NKAIN3: variants seen among roughly 807,000 people sequenced by gnomAD.
NKAIN3 encodes the protein sodium/potassium transporting ATPase interacting 3, also known as sodium/potassium-transporting ATPase subunit beta-1-interacting protein 3.
In NKAIN3, 25 loss-of-function variants were observed where a neutral mutation model predicts 30.2. The ratio of observed to expected loss-of-function variants is 0.83; its 90% CI spans 0.60 to 1.16. The LOEUF (loss-of-function observed/expected upper bound fraction) is 1.16. NKAIN3 is among the 50% of genes most tolerant of loss of function. The pLI, the probability that NKAIN3 is intolerant of heterozygous loss-of-function variation, is 0.00. For missense variants in NKAIN3, 225 were observed against 254.1 expected, an observed-to-expected ratio of 0.89 and a Z score of 0.78; for synonymous variants, 91 against 89.6, an observed-to-expected ratio of 1.02 and a Z score of -0.09.
At chr8:62,985,925 CT>C (rs906773167), downstream of NKAIN3, among the ~76,000 whole-genome samples, 16 of 152,222 alleles carry the variant, frequency 1.1e-4, no homozygotes, top group East Asian at 3.9e-4. Flanking sequence ...AAAATTCATA[CT>C]TTTTTTTCCA....
At chr8:62,489,261 G>A (rs559618926) in intron 1 of NKAIN3, among the ~76,000 whole-genome samples, 207 of 151,374 alleles carry the variant, frequency 1.4e-3, no homozygotes, top group Non-Finnish European at 1.6e-3. Flanking sequence ...TCCTGACCTC[G>A]TGATCTGCCC....
At chr8:62,839,509 T>C (rs1173580282) in intron 4 of NKAIN3, among the ~76,000 whole-genome samples, 3 of 152,160 alleles carry the variant, frequency 2.0e-5, no homozygotes, top group Non-Finnish European at 4.4e-5. Context: ...AGAGACCTCA[T>C]GATTTGGTAT....
At chr8:62,368,497 A>T (rs1368889432) in intron 1 of NKAIN3, among the ~76,000 whole-genome samples, 1 of 152,192 alleles carries the variant, frequency 6.6e-6, no homozygotes, top group Non-Finnish European at 1.5e-5. Flanking sequence ...ATCCACATGC[A>T]CGTGAAAGTT....
intron 3 of NKAIN3, among the ~76,000 whole-genome samples, chr8:62,656,006 C>T (rs1490273033): frequency 6.6e-6 from 1 of 152,028 alleles, no homozygotes; most frequent in Non-Finnish European, 1.5e-5. Context: ...AAACAAGAAT[C>T]ATCTCTGGCC....
At chr8:62,258,923 C>T (rs1351702) in intron 1 of NKAIN3, among the ~76,000 whole-genome samples, 93,246 of 151,862 alleles carry the variant, frequency 0.61, 28,810 homozygotes, top group East Asian at 0.68. Context: ...AGGAGACAAG[C>T]AGAGTGTATT....
At chr8:62,863,734 A>G in intron 4 of NKAIN3, 1 of 1,590,738 alleles carries the variant, frequency 6.3e-7, no homozygotes, top group Non-Finnish European at 8.6e-7. Flanking sequence ...CTTTCATTGC[A>G]ACAAATCTTT....
intron 4 of NKAIN3, among the ~76,000 whole-genome samples, chr8:62,781,207 A>G (rs1408959494): frequency 1.3e-5 from 2 of 151,966 alleles, no homozygotes; most frequent in African/African-American, 4.8e-5. Context: ...TAAAATATAT[A>G]TGAATAAATT....
chr8:62,561,389 T>G (rs1046895714), intron 1 of NKAIN3, among the ~76,000 whole-genome samples: 2 of 152,208 alleles, frequency 1.3e-5, no homozygotes, highest in Non-Finnish European at 2.9e-5. Context: ...AAGTCTTCTC[T>G]GTATTTTGTT....
intron 1 of NKAIN3, among the ~76,000 whole-genome samples, chr8:62,502,383 T>G (rs1782721115): frequency 6.6e-6 from 1 of 152,184 alleles, no homozygotes; most frequent in African/African-American, 2.4e-5. Flanking sequence ...GATGCTGCTC[T>G]TTCAGAGTCC....
chr8:62,857,915 G>T (rs1419389413), intron 4 of NKAIN3, among the ~76,000 whole-genome samples: 1 of 152,156 alleles, frequency 6.6e-6, no homozygotes. Context: ...AAGAAAGGGG[G>T]CACTCTGGTT....
At chr8:62,574,769 GT>G (rs972118689) in intron 1 of NKAIN3, among the ~76,000 whole-genome samples, 16 of 152,114 alleles carry the variant, frequency 1.1e-4, no homozygotes, top group African/African-American at 3.9e-4. Flanking sequence ...TCTTATTGTA[GT>G]TTTGGTTTGC....
At chr8:62,260,608 T>C (rs1812407018) in intron 1 of NKAIN3, among the ~76,000 whole-genome samples, 1 of 152,148 alleles carries the variant, frequency 6.6e-6, no homozygotes, top group Non-Finnish European at 1.5e-5. Flanking sequence ...TGATTTCCAT[T>C]CTGTCTTCTA....
intron 3 of NKAIN3, among the ~76,000 whole-genome samples, chr8:62,664,703 A>C (rs1813045828): frequency 6.6e-6 from 1 of 152,112 alleles, no homozygotes; most frequent in Non-Finnish European, 1.5e-5. Flanking sequence ...AGAACATGAG[A>C]TTGTAATGCC....
intron 1 of NKAIN3, among the ~76,000 whole-genome samples, chr8:62,435,148 C>T (rs965495306): frequency 1.3e-5 from 2 of 152,130 alleles, no homozygotes; most frequent in African/African-American, 4.8e-5. Context: ...GATGACACTT[C>T]ATGTCCTAAA....
Position 62,953,982 on chromosome 8 carries a change from G to A in NKAIN3, c.603+10G>A, listed in dbSNP as rs1177438974. ...AAAGCCTGTTAAACCAGTAAGTAAA[G>A]GTGTGATGATATGGAAAATATTAAT... On this transcript the variant is annotated intron_variant, in intron 6 of 6. Coordinates refer to ENST00000623646, the MANE Select transcript of NKAIN3 (RefSeq NM_001304533.3). 1.1e-6 allele frequency: 1 copy of A among 945,492 alleles called. No homozygotes were observed. Among genetic ancestry groups the A allele is most frequent in the Non-Finnish European group, 1.3e-6 (1 of 793,358 alleles). The allele number at this position is 945,492 out of a possible 1,614,324, so 58.6% of individuals were successfully genotyped here. A position where few individuals can be genotyped will look rare whatever the true frequency, so the allele number is the denominator to read the frequency against.
In NKAIN3 at chr8:62,967,519, C is replaced by T. The variant is rs73683962; in HGVS notation, c.*2112C>T. Among the ~76,000 whole-genome samples, 3,080 of 152,212 alleles carry T rather than the reference C, an allele frequency of 0.02. 92 individuals are homozygous for T. The highest frequency in any genetic ancestry group is 0.066 in the African/African-American group (2,731 of 41,522). ...CTGGAGCTCTTGCTTTCCACTCAAG[C>T]GCTATGAAGAGCCCACAGAAACAAC... On this transcript the variant is annotated 3_prime_UTR_variant, in exon 7 of 7. Coordinates refer to ENST00000623646, the MANE Select transcript of NKAIN3 (RefSeq NM_001304533.3).
At chr8:62,493,651 T>A (rs1253363396) in intron 1 of NKAIN3, among the ~76,000 whole-genome samples, 1 of 152,206 alleles carries the variant, frequency 6.6e-6, no homozygotes, top group Non-Finnish European at 1.5e-5. Context: ...TTCCTATCCA[T>A]GAGCATGGAA....
intron 4 of NKAIN3, among the ~76,000 whole-genome samples, chr8:62,911,818 G>A (rs542242384): frequency 1.3e-5 from 2 of 152,032 alleles, no homozygotes; most frequent in Non-Finnish European, 2.9e-5. Context: ...TGTATCAAAA[G>A]GTGTACACAG....
At chr8:62,946,006 T>G (rs1206613960) in intron 5 of NKAIN3, among the ~76,000 whole-genome samples, 1 of 152,242 alleles carries the variant, frequency 6.6e-6, no homozygotes, top group Non-Finnish European at 1.5e-5. Flanking sequence ...TGCAGGCTCT[T>G]GGACTGCATA....
Sources: gnomAD v4.1 joint callset for allele counts (sites outside exome capture counted in the v4.1 genomes callset) on GRCh38, gnomAD v4.1.1 for gene constraint, MANE v1.5 for transcripts, NCBI Gene and HGNC (gene_info 2026-07-23, HGNC 2026-07-21) for gene names.